Variants in SEMA4D observed in about 807,000 individuals in gnomAD.
SEMA4D encodes semaphorin-4D.
Under a neutral mutation model 74.8 loss-of-function variants are expected in SEMA4D, and 22 were observed. The observed-to-expected ratio is 0.29, with a 90% CI of 0.21 to 0.42. The LOEUF is 0.42. SEMA4D is among the 10% of genes least tolerant of loss of function. SEMA4D has a pLI of 1.00. For missense variants in SEMA4D, 937 were observed against 1,118.4 expected (o/e 0.84, Z 2.31); for synonymous variants, 445 against 463.7 (o/e 0.96, Z 0.52).
chr9:89,446,018 T>C (rs1362034265), intron 2 of SEMA4D, among the ~76,000 whole-genome samples: 1 of 152,166 alleles, frequency 6.6e-6, no homozygotes, highest in Non-Finnish European at 1.5e-5. Flanking sequence ...GTTCTATCCC[T>C]GCAGGTCTGT....
intron 2 of SEMA4D, among the ~76,000 whole-genome samples, chr9:89,433,346 G>A (rs4436216): frequency 0.98 from 148,735 of 152,304 alleles, 72,737 homozygotes; most frequent in Non-Finnish European, 1. Flanking sequence ...CCAGGCGGTC[G>A]GTGGGCCACT....
intron 1 of SEMA4D, among the ~76,000 whole-genome samples, chr9:89,475,550 C>A (rs1267676207): frequency 1.3e-5 from 2 of 152,220 alleles, no homozygotes; most frequent in African/African-American, 2.4e-5. Context: ...CAACACTGCA[C>A]CTGATGGAAA....
At chr9:89,434,026 C>T (rs1849852591) in intron 2 of SEMA4D, among the ~76,000 whole-genome samples, 1 of 152,314 alleles carries the variant, frequency 6.6e-6, no homozygotes, top group Middle Eastern at 3.4e-3. Flanking sequence ...CACGGACTGC[C>T]CCGCTCTGGG....
chr9:89,418,221 G>T, intron 2 of SEMA4D: 1 of 720,342 alleles, frequency 1.4e-6, no homozygotes, highest in Non-Finnish European at 1.7e-6. Flanking sequence ...ATTATTGTGA[G>T]TTTAAACCTT....
chr9:89,418,363 C>A, intron 2 of SEMA4D: 1 of 985,350 alleles, frequency 1.0e-6, no homozygotes, highest in Non-Finnish European at 1.2e-6. Context: ...AGCCCGTTAC[C>A]TGGTGCTAGA....
chr9:89,447,047 C>T (rs181158555), intron 2 of SEMA4D, among the ~76,000 whole-genome samples: 271 of 152,244 alleles, frequency 1.8e-3, no homozygotes, highest in Admixed American at 3.4e-3. Context: ...CCCAGACCAT[C>T]TCTCCCACCG....
At chr9:89,362,249 A>G (rs1369709535) in exon 19 of SEMA4D, 8 of 1,332,286 alleles carry the variant, frequency 6.0e-6, no homozygotes, top group Non-Finnish European at 7.5e-6. Context: ...GCCTCTGCCC[A>G]TCAGGTGGTG....
At chr9:89,477,072 A>AGTTC (rs1861925771) in intron 1 of SEMA4D, among the ~76,000 whole-genome samples, 1 of 152,174 alleles carries the variant, frequency 6.6e-6, no homozygotes, top group Non-Finnish European at 1.5e-5. Flanking sequence ...CTAAAAATAC[A>AGTTC]ACTAAGACTT....
intron 2 of SEMA4D, among the ~76,000 whole-genome samples, chr9:89,433,651 G>A (rs939950663): frequency 2.0e-5 from 3 of 152,210 alleles, no homozygotes; most frequent in African/African-American, 4.8e-5. Context: ...ATGGGCTTCT[G>A]ATAGAAGCAA....
chr9:89,362,157 AC>A, exon 19 of SEMA4D: 1 of 602,950 alleles, frequency 1.7e-6, no homozygotes, highest in South Asian at 2.0e-5. Flanking sequence ...GACAGAACTT[AC>A]TGTCCCAGGT....
At chr9:89,456,226 C>G (rs1413016135) in intron 1 of SEMA4D, among the ~76,000 whole-genome samples, 5 of 152,206 alleles carry the variant, frequency 3.3e-5, no homozygotes, top group African/African-American at 4.8e-5. Context: ...TCTCTCTCCT[C>G]CCCTCTGCTC....
In SEMA4D at chr9:89,381,107, C is replaced by T; in HGVS notation, c.1620-9G>A. ...TCTCCTGAATCAAACCCCTGCAAAA[C>T]AACCGGCACGTGTTATTCACCCACA... On this transcript the variant is annotated splice_polypyrimidine_tract_variant and intron_variant, in intron 14 of 15. Transcript: ENST00000422704. The surrounding 1 kb of genome is among the most constrained non-coding windows in gnomAD (Gnocchi z 4.6). 6.2e-7 allele frequency: 1 copy of T among 1,614,190 alleles called. No individual in the cohort carries two copies. The highest frequency in any genetic ancestry group is 8.5e-7 in the Non-Finnish European group (1 of 1,180,044).
At chr9:89,481,710 G>A (rs535899571) in intron 1 of SEMA4D, among the ~76,000 whole-genome samples, 1 of 152,342 alleles carries the variant, frequency 6.6e-6, no homozygotes, top group South Asian at 2.1e-4. Context: ...TGACACGCAC[G>A]AGGATGTGCT....
chr9:89,483,408 C>G (rs1213543203), intron 1 of SEMA4D, among the ~76,000 whole-genome samples: 1 of 152,162 alleles, frequency 6.6e-6, no homozygotes, highest in African/African-American at 2.4e-5. Flanking sequence ...GCTGAAGGCT[C>G]TAAGGCATGT....
chr9:89,393,740 A>C (rs1470909111), intron 6 of SEMA4D, 85 bp from the exon 7 acceptor site: 21 of 1,130,052 alleles, frequency 1.9e-5, no homozygotes, highest in Non-Finnish European at 2.3e-5. Context: ...TCATTTTACA[A>C]ATTTGCTCTT....
chr9:89,477,418 G>A (rs564004125), intron 1 of SEMA4D, among the ~76,000 whole-genome samples: 3 of 152,138 alleles, frequency 2.0e-5, no homozygotes, highest in African/African-American at 7.2e-5. Context: ...TCAATGCCTT[G>A]ACAAGAGTAA....
At chr9:89,386,538 C>A in intron 12 of SEMA4D, 56 bp from the exon 13 acceptor site, 1 of 1,169,416 alleles carries the variant, frequency 8.6e-7, no homozygotes. Flanking sequence ...AAACCAAGGA[C>A]AGTGACCACA....
chr9:89,441,331 G>A (rs545333243), intron 2 of SEMA4D, among the ~76,000 whole-genome samples: 1 of 152,368 alleles, frequency 6.6e-6, no homozygotes, highest in African/African-American at 2.4e-5. Context: ...CGTGGTGGAC[G>A]GGCCATCAGG....
chr9:89,487,997 C>T (rs1056229108), intron 1 of SEMA4D, among the ~76,000 whole-genome samples: 3 of 152,234 alleles, frequency 2.0e-5, no homozygotes, highest in Non-Finnish European at 4.4e-5. Context: ...ACAAACTGAT[C>T]TTAAGTATAT....
Sources: gnomAD v4.1 joint callset for allele counts (sites outside exome capture counted in the v4.1 genomes callset) on GRCh38, gnomAD v4.1.1 for gene constraint, Gnocchi (gnomAD v3.1) non-coding constraint, MANE v1.5 for transcripts, NCBI Gene and HGNC (gene_info 2026-07-23, HGNC 2026-07-21) for gene names.